The following DLG1 variants were observed in gnomAD, a reference collection of about 807,000 sequenced individuals.
The protein encoded by DLG1 is discs large MAGUK scaffold protein 1.
DLG1 carries 42 observed loss-of-function variants against 123.4 expected under a neutral mutation model. The ratio of observed to expected loss-of-function variants is 0.34; its 90% CI spans 0.27 to 0.44. The LOEUF is 0.44. Ranked by LOEUF, DLG1 falls within the 20% of genes least tolerant of loss-of-function variation. The probability of loss-of-function intolerance (pLI) is 1.00; values close to 1 mark genes in which losing one functional copy is unlikely to be tolerated. For synonymous variants in DLG1, 317 were observed against 356.2 expected (o/e 0.89, Z 1.24); for missense variants, 942 against 1,082.6 (o/e 0.87, Z 1.82).
At chr3:197,241,355 G>C (rs1479071324) in intron 4 of DLG1, among the ~76,000 whole-genome samples, 1 of 151,464 alleles carries the variant, frequency 6.6e-6, no homozygotes, top group Non-Finnish European at 1.5e-5. Flanking sequence ...ACAAACAAAA[G>C]CTAAGAGAAT....
chr3:197,140,310 T>C, intron 7 of DLG1, 46 bp from the exon 8 acceptor site: 1 of 1,595,730 alleles, frequency 6.3e-7, no homozygotes, highest in Non-Finnish European at 8.6e-7. Flanking sequence ...GATTTATCTT[T>C]ATGGACAGGT....
chr3:197,043,363 G>C lies in DLG1; in HGVS notation c.*1260C>G, dbSNP rs573115689. On this transcript the variant is annotated 3_prime_UTR_variant, in exon 25 of 25. Transcript: ENST00000667157. Reference sequence around the variant, plus strand: ...ACACGGACAACAACAAAAAACCTCAGGAACCATTTGAAAACCTTTGTAGAA... The same window carrying C: ...ACACGGACAACAACAAAAAACCTCACGAACCATTTGAAAACCTTTGTAGAA... 6.6e-6 allele frequency: 1 copy of C among 152,132 alleles called. No individual in the cohort carries two copies. Among genetic ancestry groups the C allele is most frequent in the South Asian group, 2.1e-4 (1 of 4,818 alleles). 9.4% of individuals were successfully genotyped at this position (152,132 alleles called of 1,614,324 possible). A position where few individuals can be genotyped will look rare whatever the true frequency, so the allele number is the denominator to read the frequency against.
chr3:197,192,638 A>G (rs1433321046), intron 5 of DLG1, among the ~76,000 whole-genome samples: 1 of 152,082 alleles, frequency 6.6e-6, no homozygotes, highest in Non-Finnish European at 1.5e-5. Context: ...ACTATCTTTA[A>G]TTGATATTCA....
chr3:197,095,299 G>A (rs184651419), intron 14 of DLG1, among the ~76,000 whole-genome samples: 26 of 151,932 alleles, frequency 1.7e-4, no homozygotes, highest in African/African-American at 4.8e-4. Flanking sequence ...TCTAATGCTC[G>A]GATCCCTATG....
intron 13 of DLG1, among the ~76,000 whole-genome samples, chr3:197,110,125 T>C (rs1447733157): frequency 2.0e-5 from 3 of 152,210 alleles, no homozygotes; most frequent in African/African-American, 7.2e-5. Context: ...ATTATGTTGG[T>C]AAATTTGATA....
chr3:197,232,361 TAAAAAAAA>T (rs34360912), intron 4 of DLG1, among the ~76,000 whole-genome samples: 4 of 121,258 alleles, frequency 3.3e-5, no homozygotes, highest in Non-Finnish European at 6.8e-5. Context: ...CCTTGTCTCT[TAAAAAAAA>T]AAAAAAAAAA....
At chr3:197,244,542 A>C (rs1309580529) in intron 4 of DLG1, among the ~76,000 whole-genome samples, 1 of 151,908 alleles carries the variant, frequency 6.6e-6, no homozygotes, top group African/African-American at 2.4e-5. Flanking sequence ...GGAAAGGATA[A>C]TTGTCTGACA....
intron 4 of DLG1, among the ~76,000 whole-genome samples, chr3:197,234,059 C>T (rs1228679634): frequency 2.6e-5 from 4 of 152,178 alleles, no homozygotes; most frequent in African/African-American, 4.8e-5. Flanking sequence ...TGTGGCTGAG[C>T]GCCAATGAGT....
chr3:197,246,476 T>C (rs929134673), intron 4 of DLG1, among the ~76,000 whole-genome samples: 2 of 152,130 alleles, frequency 1.3e-5, no homozygotes, highest in South Asian at 4.1e-4. Flanking sequence ...TGATTTAAGA[T>C]TGTCCTAACC....
chr3:197,219,307 A>G (rs1735724462), intron 4 of DLG1, among the ~76,000 whole-genome samples: 1 of 152,242 alleles, frequency 6.6e-6, no homozygotes, highest in African/African-American at 2.4e-5. Flanking sequence ...TCTTAATCTG[A>G]AAATTCAAGT....
At chr3:197,129,138 A>G (rs1284019949) in intron 11 of DLG1, among the ~76,000 whole-genome samples, 1 of 152,240 alleles carries the variant, frequency 6.6e-6, no homozygotes, top group East Asian at 1.9e-4. Flanking sequence ...TCTAGCTGTG[A>G]AAGTCCTAAA....
chr3:197,135,617 G>C (rs1007623466), intron 10 of DLG1, among the ~76,000 whole-genome samples: 1 of 152,076 alleles, frequency 6.6e-6, no homozygotes, highest in African/African-American at 2.4e-5. Flanking sequence ...TTGCAGTACA[G>C]ACATACAGTG....
intron 5 of DLG1, among the ~76,000 whole-genome samples, chr3:197,173,081 T>C (rs1354488092): frequency 6.6e-6 from 1 of 152,198 alleles, no homozygotes; most frequent in Non-Finnish European, 1.5e-5. Flanking sequence ...TTTCCAGTTC[T>C]CCAATACTCA....
intron 19 of DLG1, among the ~76,000 whole-genome samples, 180 bp downstream of exon 19, chr3:197,069,039 C>T (rs975024968): frequency 1.3e-5 from 2 of 151,804 alleles, no homozygotes; most frequent in African/African-American, 4.8e-5. Flanking sequence ...TATAAATTAA[C>T]CTCTACATAT....
At chr3:197,058,559 T>C (rs1217651233) in intron 23 of DLG1, among the ~76,000 whole-genome samples, 1 of 152,240 alleles carries the variant, frequency 6.6e-6, no homozygotes, top group Non-Finnish European at 1.5e-5. Flanking sequence ...TTGGTTTCCA[T>C]TTAAATTGCA....
chr3:197,127,162 C>T (rs931669301), intron 11 of DLG1, among the ~76,000 whole-genome samples: 3 of 151,680 alleles, frequency 2.0e-5, no homozygotes, highest in Non-Finnish European at 2.9e-5. Flanking sequence ...GTGGCTCACG[C>T]CTGTAATCCC....
In DLG1 at chr3:197,168,255, TG is replaced by T. The variant is rs1802379330; in HGVS notation, c.484-18460del. ...TCTACAGGGCACTGACCAAGTTCCT[TG>T]AAGAACATAGGCCCCTGCCTCTTCC... On this transcript the variant is annotated intron_variant, in intron 5 of 24. Coordinates refer to ENST00000667157, the MANE Select transcript of DLG1 (RefSeq NM_001366207.1). Among the ~76,000 whole-genome samples, 4 of 152,344 alleles carry T rather than the reference TG, an allele frequency of 2.6e-5. No homozygotes were observed. The South Asian group carries it at 8.3e-4, about 32-fold the overall frequency.
At chr3:197,203,588 G>T (rs528308920) in intron 4 of DLG1, among the ~76,000 whole-genome samples, 1 of 152,086 alleles carries the variant, frequency 6.6e-6, no homozygotes, top group East Asian at 1.9e-4. Flanking sequence ...TTCCAAATTT[G>T]AGACAGGTTA....
chr3:197,164,616 T>C (rs1232915950), intron 5 of DLG1, among the ~76,000 whole-genome samples: 4 of 151,654 alleles, frequency 2.6e-5, no homozygotes, highest in African/African-American at 4.8e-5. Flanking sequence ...CTCTATGAGA[T>C]TGAGGCTGGG....
Sources: allele counts gnomAD v4.1 joint callset (sites outside exome capture counted in the v4.1 genomes callset), GRCh38; gene constraint gnomAD v4.1.1; transcripts MANE v1.5; gene names NCBI Gene and HGNC (gene_info 2026-07-23, HGNC 2026-07-21).